The following GRID2 variants were observed in gnomAD, a reference collection of about 807,000 sequenced individuals.
GRID2 encodes glutamate receptor ionotropic, delta-2.
In GRID2, 33 loss-of-function variants were observed where a neutral mutation model predicts 114.8. That is an observed-to-expected ratio of 0.29 (90% CI 0.22 to 0.38). GRID2 has a LOEUF of 0.38. Ranked by LOEUF, GRID2 falls within the 10% of genes least tolerant of loss-of-function variation. GRID2 has a pLI of 1.00. For missense variants in GRID2, 1,184 were observed against 1,257.7 expected (o/e 0.94, Z 0.89); for synonymous variants, 505 against 449.9 (o/e 1.12, Z -1.55).
At chr4:93,612,119 G>A (rs369116660) in intron 13 of GRID2, among the ~76,000 whole-genome samples, 2 of 151,996 alleles carry the variant, frequency 1.3e-5, no homozygotes, top group South Asian at 4.2e-4. Flanking sequence ...TTTTATCAGA[G>A]ACTAGGATTG....
chr4:92,482,389 C>T (rs1343675421), intron 1 of GRID2, among the ~76,000 whole-genome samples: 3 of 151,814 alleles, frequency 2.0e-5, no homozygotes, highest in Admixed American at 6.6e-5. Context: ...TGCTCACTAC[C>T]GGGGTGCAAT....
At position 93,153,813 on chromosome 4, in the gene GRID2, A is replaced by G. The variant is rs139533167; in HGVS notation, c.735+42860A>G. ...GAAATAATTGGAATTTAGTTCTCCT[A>G]AGATTCTTCCAGACGCAAAGTTGTT... On this transcript the variant is annotated intron_variant, in intron 4 of 15. Coordinates refer to ENST00000282020, the MANE Select transcript of GRID2 (RefSeq NM_001510.4). Among the ~76,000 whole-genome samples, 7 of 152,238 alleles carry G rather than the reference A, an allele frequency of 4.6e-5. No individual in the cohort carries two copies. In the East Asian group the frequency reaches 1.4e-3, roughly 29 times the overall value.
chr4:92,982,505 C>T (rs1436838504), intron 2 of GRID2, among the ~76,000 whole-genome samples: 2 of 152,014 alleles, frequency 1.3e-5, no homozygotes, highest in Non-Finnish European at 2.9e-5. Context: ...TCACACTTCC[C>T]ATTTTATCAG....
rs1724853720 is a variant in GRID2, at chr4:93,035,499, A to G, written c.245-49496A>G. On this transcript the variant is annotated intron_variant, in intron 2 of 15. Transcript: ENST00000282020. ...TTAGTAGGTTACTACAAGAAAGATTAATTTTCTCATTGTTTCTGTGGGTCG... is the reference window on the plus strand; with the variant it reads ...TTAGTAGGTTACTACAAGAAAGATTGATTTTCTCATTGTTTCTGTGGGTCG... 2.0e-5 allele frequency among the ~76,000 whole-genome samples: 3 copies of G among 152,062 alleles called. No individual in the cohort carries two copies. The South Asian group carries it at 6.2e-4, about 32-fold the overall frequency.
intron 8 of GRID2, among the ~76,000 whole-genome samples, chr4:93,267,868 G>A (rs1295017370): frequency 6.6e-6 from 1 of 152,170 alleles, no homozygotes; most frequent in Non-Finnish European, 1.5e-5. Flanking sequence ...TCTGAGCTAG[G>A]ATTGGTGTGG....
intron 10 of GRID2, among the ~76,000 whole-genome samples, chr4:93,452,700 T>C (rs567072673): frequency 6.6e-6 from 1 of 152,246 alleles, no homozygotes; most frequent in East Asian, 1.9e-4. Flanking sequence ...ATCTTCTATG[T>C]TCTCTATATA....
chr4:93,778,606 C>T (rs536406873), downstream of GRID2, among the ~76,000 whole-genome samples: 11 of 152,208 alleles, frequency 7.2e-5, no homozygotes, highest in Admixed American at 5.2e-4. Flanking sequence ...CCATGTTGGG[C>T]AGGCTGGTCT....
intron 9 of GRID2, among the ~76,000 whole-genome samples, chr4:93,415,006 A>G (rs1008271562): frequency 6.6e-6 from 1 of 152,092 alleles, no homozygotes; most frequent in Non-Finnish European, 1.5e-5. Flanking sequence ...TACATTTATT[A>G]AATGCTTCTA....
At chr4:93,638,301 C>CTTTTTTTTTTTTTTTTTTTTTTT (rs1184003180) in intron 14 of GRID2, among the ~76,000 whole-genome samples, 1 of 77,318 alleles carries the variant, frequency 1.3e-5, no homozygotes, top group Non-Finnish European at 2.7e-5. Flanking sequence ...AAACTTGCAT[C>CTTTTTTTTTTTTTTTTTTTTTTT]TTTTTTTTTT....
At chr4:93,460,585 T>C (rs1237987582) in intron 11 of GRID2, among the ~76,000 whole-genome samples, 1 of 152,182 alleles carries the variant, frequency 6.6e-6, no homozygotes, top group Non-Finnish European at 1.5e-5. Context: ...AATTCCTTTT[T>C]TTAAACATGT....
intron 2 of GRID2, among the ~76,000 whole-genome samples, chr4:93,062,346 G>T (rs1262660253): frequency 6.6e-6 from 1 of 152,094 alleles, no homozygotes; most frequent in Non-Finnish European, 1.5e-5. Context: ...GAATGAGGAA[G>T]AAGAGGAAGA....
chr4:92,710,715 C>T (rs992063369), intron 2 of GRID2, among the ~76,000 whole-genome samples: 1 of 152,046 alleles, frequency 6.6e-6, no homozygotes, highest in Non-Finnish European at 1.5e-5. Flanking sequence ...CCAAGGTTAC[C>T]TCTAGGTTTT....
intron 13 of GRID2, among the ~76,000 whole-genome samples, chr4:93,595,356 T>C (rs1193125178): frequency 6.6e-6 from 1 of 152,182 alleles, no homozygotes; most frequent in East Asian, 1.9e-4. Flanking sequence ...ACATAATCTT[T>C]TCACAACTAG....
intron 2 of GRID2, among the ~76,000 whole-genome samples, chr4:92,871,306 C>G (rs1745257952): frequency 6.6e-6 from 1 of 150,436 alleles, no homozygotes; most frequent in African/African-American, 2.4e-5. Context: ...CTGGGATTCT[C>G]TGATTCTTTT....
chr4:93,463,824 C>T (rs567675823), intron 11 of GRID2, among the ~76,000 whole-genome samples: 1 of 152,110 alleles, frequency 6.6e-6, no homozygotes, highest in East Asian at 1.9e-4. Flanking sequence ...CCTGTCTCTA[C>T]TAAAAATACA....
chr4:92,547,708 C>T (rs780572074), intron 1 of GRID2, among the ~76,000 whole-genome samples: 15 of 151,622 alleles, frequency 9.9e-5, no homozygotes, highest in Non-Finnish European at 1.6e-4. Context: ...TGCCAGCATA[C>T]CTCATGCACA....
At chr4:92,815,171 T>C (rs1740833055) in intron 2 of GRID2, among the ~76,000 whole-genome samples, 1 of 152,128 alleles carries the variant, frequency 6.6e-6, no homozygotes, top group African/African-American at 2.4e-5. Context: ...AATATTACTA[T>C]ATTTCTCCAT....
At chr4:93,731,978 GA>G (rs1425135539) in intron 14 of GRID2, among the ~76,000 whole-genome samples, 2 of 152,122 alleles carry the variant, frequency 1.3e-5, no homozygotes, top group African/African-American at 4.8e-5. Flanking sequence ...GACTCAACCA[GA>G]AATAAATTTA....
At chr4:93,080,012 T>C (rs1054044785) in intron 2 of GRID2, among the ~76,000 whole-genome samples, 12 of 152,144 alleles carry the variant, frequency 7.9e-5, no homozygotes, top group Admixed American at 2.0e-4. Context: ...GCAAGCTTTA[T>C]TTGGAAGAAT....
Sources: gnomAD v4.1 joint callset for allele counts (sites outside exome capture counted in the v4.1 genomes callset) on GRCh38, gnomAD v4.1.1 for gene constraint, MANE v1.5 for transcripts, NCBI Gene and HGNC (gene_info 2026-07-23, HGNC 2026-07-21) for gene names.